TULP4: variants seen among roughly 807,000 people sequenced by gnomAD.
TULP4 encodes the protein TUB like protein 4.
A neutral mutation model predicts 129.0 loss-of-function variants in TULP4; 16 were observed. That is an observed-to-expected ratio of 0.12 (90% confidence interval 0.08 to 0.19). The LOEUF (loss-of-function observed/expected upper bound fraction) is 0.19. Among genes scored for constraint, TULP4 ranks in the 10% least tolerant of loss-of-function variants. The pLI is 1.00. For missense variants in TULP4, 1,842 were observed against 2,059.1 expected, an observed-to-expected ratio of 0.89 and a Z score of 2.04; for synonymous variants, 998 against 854.0, an observed-to-expected ratio of 1.17 and a Z score of -2.94.
chr6:158,384,444 C>A (rs1239592591), intron 1 of TULP4, among the ~76,000 whole-genome samples: 2 of 151,984 alleles, frequency 1.3e-5, no homozygotes, highest in East Asian at 1.9e-4. Flanking sequence ...CCCACCACCC[C>A]ACCCGGCTAA....
Position 158,503,383 on chromosome 6 carries a change from G to A in TULP4, c.3720G>A (p.Leu1240=). 6.2e-7 allele frequency: 1 copy of A among 1,613,758 alleles called. No homozygotes were observed. Among genetic ancestry groups the A allele is most frequent in the Non-Finnish European group, 8.5e-7 (1 of 1,180,000 alleles). Residue 1240 remains leucine, a synonymous_variant, in exon 13 of 14, where the codon CTG becomes CTA. Coordinates refer to ENST00000367097, the MANE Select transcript of TULP4 (RefSeq NM_020245.5). The surrounding 1 kb of genome is among the most constrained non-coding windows in gnomAD (Gnocchi z 4.3). ...LYPPSLSYCT[L]PPMYPGSSTC... is the part of the protein sequence containing the mutation. ...CACCCAGCCTCTCCTATTGCACCCT[G>A]CCCCCCATGTACCCAGGAAGCAGCA...
intron 1 of TULP4, among the ~76,000 whole-genome samples, chr6:158,320,518 G>GC (rs1267542878): frequency 6.7e-6 from 1 of 149,302 alleles, no homozygotes; most frequent in South Asian, 2.1e-4. Flanking sequence ...TGCAACCTCC[G>GC]CCCCCCAGGT....
intron 2 of TULP4, among the ~76,000 whole-genome samples, chr6:158,418,268 G>C (rs1056959551): frequency 6.6e-6 from 1 of 151,654 alleles, no homozygotes; most frequent in African/African-American, 2.4e-5. Context: ...CACCACACCC[G>C]GCTATTTTTT....
At chr6:158,241,075 C>T (rs953621016) in intron 1 of TULP4, among the ~76,000 whole-genome samples, 2 of 138,760 alleles carry the variant, frequency 1.4e-5, no homozygotes, top group South Asian at 2.4e-4. Flanking sequence ...GACGGGGTCT[C>T]GGCCGGGCAG....
intron 3 of TULP4, among the ~76,000 whole-genome samples, chr6:158,436,089 G>A (rs987758819): frequency 2.6e-5 from 4 of 152,148 alleles, no homozygotes; most frequent in Middle Eastern, 3.4e-3. Context: ...GCTAATTTTC[G>A]TATTTTTAGT....
chr6:158,347,423 A>C (rs758709513), intron 1 of TULP4, among the ~76,000 whole-genome samples: 6 of 152,306 alleles, frequency 3.9e-5, no homozygotes, highest in Non-Finnish European at 5.9e-5. Flanking sequence ...TGTTTGGATT[A>C]GTGCACTGAC....
intron 1 of TULP4, among the ~76,000 whole-genome samples, chr6:158,395,672 G>GGGCGGGGA (rs1370800117): frequency 7.5e-6 from 1 of 132,556 alleles, no homozygotes; most frequent in Admixed American, 7.6e-5. Flanking sequence ...GATGGGCGGG[G>GGGCGGGGA]GGGGGGTCAT....
chr6:158,383,133 C>T (rs1777366839), intron 1 of TULP4, among the ~76,000 whole-genome samples: 1 of 152,160 alleles, frequency 6.6e-6, no homozygotes, highest in Non-Finnish European at 1.5e-5. Flanking sequence ...TTCTGCTGTG[C>T]ATCCTCCTCA....
At chr6:158,464,036 T>G (rs1779502176) in intron 6 of TULP4, among the ~76,000 whole-genome samples, 1 of 152,186 alleles carries the variant, frequency 6.6e-6, no homozygotes, top group Non-Finnish European at 1.5e-5. Flanking sequence ...ATCTTTTCTG[T>G]GAGTTTGACT....
At chr6:158,412,903 G>A (rs341159) in intron 1 of TULP4, among the ~76,000 whole-genome samples, 162 bp from the exon 2 acceptor site, 38,036 of 152,060 alleles carry the variant, frequency 0.25, 5,811 homozygotes, top group Middle Eastern at 0.35. Flanking sequence ...GTGGACTCTC[G>A]TGTGAGCTCT....
At chr6:158,296,579 C>T (rs1779037136) in intron 1 of TULP4, among the ~76,000 whole-genome samples, 1 of 152,016 alleles carries the variant, frequency 6.6e-6, no homozygotes, top group African/African-American at 2.4e-5. Context: ...TCTGAGGGAA[C>T]AGGACAAAGG....
intron 1 of TULP4, among the ~76,000 whole-genome samples, chr6:158,266,487 C>CTCTA (rs745796938): frequency 6.6e-6 from 1 of 152,144 alleles, no homozygotes; most frequent in Non-Finnish European, 1.5e-5. Flanking sequence ...AACTCCTGGG[C>CTCTA]TCTAGCAATC....
At chr6:158,252,585 A>G (rs927761799) in intron 1 of TULP4, among the ~76,000 whole-genome samples, 34 of 152,062 alleles carry the variant, frequency 2.2e-4, no homozygotes, top group African/African-American at 7.5e-4. Context: ...CACGTTGGCC[A>G]GGATGGTCTC....
intron 6 of TULP4, among the ~76,000 whole-genome samples, chr6:158,463,015 A>C (rs1417083245): frequency 6.6e-6 from 1 of 151,946 alleles, no homozygotes; most frequent in Non-Finnish European, 1.5e-5. Flanking sequence ...CAGCCTCCCA[A>C]AGTGCTGGGA....
intron 1 of TULP4, among the ~76,000 whole-genome samples, chr6:158,333,390 G>A (rs1267448274): frequency 6.6e-6 from 1 of 152,094 alleles, no homozygotes; most frequent in East Asian, 1.9e-4. Context: ...AATGAGAAGA[G>A]CTCTCAGGGT....
chr6:158,455,727 A>T lies in TULP4; in HGVS notation c.859+3459A>T, dbSNP rs1181286410. On this transcript the variant is annotated intron_variant, in intron 5 of 13. Coordinates refer to ENST00000367097, the MANE Select transcript of TULP4 (RefSeq NM_020245.5). ...ACTCTAGCCTGGGTAACAGAGCAAGACTCCGTCTCAAAAAAAAAAAAAAAA... is the reference window on the plus strand; with the variant it reads ...ACTCTAGCCTGGGTAACAGAGCAAGTCTCCGTCTCAAAAAAAAAAAAAAAA... Among the ~76,000 whole-genome samples, 4 of 126,950 alleles carry T rather than the reference A, an allele frequency of 3.2e-5. No individual in the cohort carries two copies. In the East Asian group the frequency reaches 8.7e-4, roughly 28 times the overall value. 83.3% of individuals were successfully genotyped at this position (126,950 alleles called of 152,430 possible).
chr6:158,329,465 T>TA (rs10671642), intron 1 of TULP4, among the ~76,000 whole-genome samples: 7,716 of 138,670 alleles, frequency 0.056, 299 homozygotes, highest in African/African-American at 0.092. Context: ...ACCTTAACAT[T>TA]AAAAAAAAAA....
Position 158,236,795 on chromosome 6 carries a change from C to CT in TULP4, n.68+4528dup, listed in dbSNP as rs71030149. Among the ~76,000 whole-genome samples, 61 of 63,300 alleles carry CT rather than the reference C, an allele frequency of 9.6e-4. 10 individuals carry two copies. Among genetic ancestry groups the CT allele is most frequent in the African/African-American group, 1.5e-3 (21 of 13,916 alleles). 41.5% of individuals were successfully genotyped at this position (63,300 alleles called of 152,430 possible). ...AGATGGGTAAATGCCCAATTCTTTTCTTTTTTTTTTTTTTTTTTTTTTTTT... is the reference window on the plus strand; with the variant it reads ...AGATGGGTAAATGCCCAATTCTTTTCTTTTTTTTTTTTTTTTTTTTTTTTTT... On this transcript the variant is annotated intron_variant and non_coding_transcript_variant, in intron 1 of 1. Coordinates refer to the TULP4 transcript ENST00000620026.
chr6:158,264,203 A>G (rs1268325045), intron 1 of TULP4, among the ~76,000 whole-genome samples: 1 of 152,236 alleles, frequency 6.6e-6, no homozygotes, highest in African/African-American at 2.4e-5. Flanking sequence ...CGGCCTTAAC[A>G]GAATCACGTT....
Sources: gnomAD v4.1 joint callset for allele counts (sites outside exome capture counted in the v4.1 genomes callset) on GRCh38, gnomAD v4.1.1 for gene constraint, Gnocchi (gnomAD v3.1) non-coding constraint, MANE v1.5 for transcripts, NCBI Gene and HGNC (gene_info 2026-07-23, HGNC 2026-07-21) for gene names.